RAB33A: variants seen among roughly 807,000 people sequenced by gnomAD.
RAB33A encodes the protein ras-related protein Rab-33A.
In RAB33A, 6 loss-of-function variants were observed where a neutral mutation model predicts 12.0. The observed-to-expected ratio is 0.50, with a 90% CI of 0.27 to 0.99. The LOEUF is 0.99. Ranked by LOEUF, RAB33A falls within the 50% of genes least tolerant of loss-of-function variation. The probability of loss-of-function intolerance (pLI) is 0.11; values close to 1 mark genes in which losing one functional copy is unlikely to be tolerated. For missense variants in RAB33A, 109 were observed against 192.0 expected, an observed-to-expected ratio of 0.57 and a Z score of 2.55; for synonymous variants, 70 against 82.4, an observed-to-expected ratio of 0.85 and a Z score of 0.81.
the RAB33A span, among the ~76,000 whole-genome samples, chrX:130,111,362 G>A: frequency 3.5e-5 from 4 of 112,936 alleles, no homozygotes; most frequent in East Asian, 2.8e-4. Flanking sequence ...CCCTCGGCCC[G>A]TGCAAGTGGA....
chrX:130,149,603 C>T, the RAB33A span: 2 of 983,342 alleles, frequency 2.0e-6, no homozygotes, highest in South Asian at 3.8e-5. Flanking sequence ...TTTATTTCAC[C>T]ATACAGCTAG....
chrX:130,151,201 C>T, the RAB33A span, among the ~76,000 whole-genome samples: 6 of 107,258 alleles, frequency 5.6e-5, no homozygotes, highest in Admixed American at 3.0e-4. Context: ...AGTGCAGTGG[C>T]GTGATCTCGG....
upstream of RAB33A, among the ~76,000 whole-genome samples, chrX:130,169,035 G>C (rs1331978387): frequency 9.1e-6 from 1 of 109,485 alleles, no homozygotes; most frequent in Admixed American, 9.8e-5. Flanking sequence ...GTGAAACCCC[G>C]TCTCTACTAA....
chrX:130,145,446 G>C, the RAB33A span: 8 of 1,095,873 alleles, frequency 7.3e-6, no homozygotes, highest in African/African-American at 1.1e-4. Flanking sequence ...CAAGTACGTA[G>C]AGCCTGACAA....
chrX:130,140,005 CTTTG>C, the RAB33A span: 1 of 568,707 alleles, frequency 1.8e-6, no homozygotes. Context: ...GATACCAAGG[CTTTG>C]TTTGCCTTCA....
chrX:130,142,978 A>T, the RAB33A span, among the ~76,000 whole-genome samples: 1 of 112,039 alleles, frequency 8.9e-6, no homozygotes, highest in Non-Finnish European at 1.9e-5. Context: ...CTGCCACGGT[A>T]ACACTGTGGA....
the RAB33A span, among the ~76,000 whole-genome samples, chrX:130,149,066 C>T: frequency 5.6e-5 from 6 of 106,675 alleles, no homozygotes; most frequent in South Asian, 4.2e-4. Context: ...GGATTACAGG[C>T]GTGCACCACC....
At chrX:130,165,213 A>G in the RAB33A span, among the ~76,000 whole-genome samples, 1 of 88,825 alleles carries the variant, frequency 1.1e-5, no homozygotes, top group African/African-American at 4.4e-5. Context: ...GGTAAATGAC[A>G]AAGTCTACTT....
At chrX:130,182,139 C>CAA (rs1188540923) in intron 1 of RAB33A, among the ~76,000 whole-genome samples, 4,905 of 29,747 alleles carry the variant, frequency 0.16, 671 homozygotes, top group Non-Finnish European at 0.21. Flanking sequence ...TCTGTCTCTA[C>CAA]AAAAAAAAAA....
rs1259209153 is a variant in RAB33A at position 130,177,789 on chromosome X, T to C, written c.258+5469T>C. ...GGCCGAGATCTGCACCCAAGTTGAT[T>C]TGACTCCACTATACCCCATTGGCCA... On this transcript the variant is annotated intron_variant, in intron 1 of 1. Coordinates refer to ENST00000257017, the MANE Select transcript of RAB33A (RefSeq NM_004794.3). Among the ~76,000 whole-genome samples, 4 of 111,466 alleles carry C rather than the reference T, an allele frequency of 3.6e-5. No individual in the cohort carries two copies. In the Admixed American group the frequency reaches 3.8e-4, roughly 11 times the overall value.
the RAB33A span, among the ~76,000 whole-genome samples, chrX:130,117,480 G>A: frequency 2.7e-5 from 3 of 111,815 alleles, no homozygotes; most frequent in Non-Finnish European, 3.8e-5. Flanking sequence ...TTGGGAAACA[G>A]ATTCCGTGTT....
the RAB33A span, among the ~76,000 whole-genome samples, chrX:130,122,062 G>A: frequency 8.9e-6 from 1 of 112,153 alleles, no homozygotes; most frequent in African/African-American, 3.2e-5. Flanking sequence ...CCTTTCTCCT[G>A]GAACTTGATA....
the RAB33A span, chrX:130,147,953 C>T: frequency 3.5e-6 from 4 of 1,156,322 alleles, no homozygotes; most frequent in South Asian, 3.6e-5. Context: ...AAAAAAATCA[C>T]CTTGCACTTG....
the RAB33A span, among the ~76,000 whole-genome samples, chrX:130,128,497 G>A: frequency 3.6e-5 from 4 of 111,536 alleles, no homozygotes; most frequent in Non-Finnish European, 7.5e-5. Flanking sequence ...ACTTGAATCC[G>A]GGAGGTAGAG....
the RAB33A span, among the ~76,000 whole-genome samples, chrX:130,128,091 C>A: frequency 4.5e-5 from 5 of 111,492 alleles, no homozygotes; most frequent in Non-Finnish European, 7.5e-5. Flanking sequence ...ACCTGTACTG[C>A]AAATTCTTAC....
intron 1 of RAB33A, among the ~76,000 whole-genome samples, chrX:130,181,749 C>T (rs748863792): frequency 9.0e-6 from 1 of 110,580 alleles, no homozygotes; most frequent in South Asian, 3.8e-4. Flanking sequence ...GAATTCAAGA[C>T]TAGCCTGGCC....
intron 1 of RAB33A, among the ~76,000 whole-genome samples, chrX:130,173,437 G>T (rs1006957646): frequency 9.0e-6 from 1 of 111,658 alleles, no homozygotes; most frequent in African/African-American, 3.3e-5. Flanking sequence ...TGACCACAAG[G>T]CCCCTCCTCT....
chrX:130,171,792 C>T (rs1483844210), upstream of RAB33A: 1 of 369,378 alleles, frequency 2.7e-6, no homozygotes, highest in Non-Finnish European at 4.6e-6. Flanking sequence ...CACTCTCCTC[C>T]CTCTCTCCTC....
intron 1 of RAB33A, among the ~76,000 whole-genome samples, chrX:130,182,765 TAAAAG>T (rs1262449851): frequency 9.1e-6 from 1 of 110,240 alleles, no homozygotes; most frequent in Non-Finnish European, 1.9e-5. Flanking sequence ...AAAAAAAAAA[TAAAAG>T]AAAAGAAAAA....
Sources: gnomAD v4.1 joint callset for allele counts (sites outside exome capture counted in the v4.1 genomes callset) on GRCh38, gnomAD v4.1.1 for gene constraint, MANE v1.5 for transcripts, NCBI Gene and HGNC (gene_info 2026-07-23, HGNC 2026-07-21) for gene names.